PATJ: variants seen among roughly 807,000 people sequenced by gnomAD.
PATJ encodes the protein inaD-like protein.
Under a neutral mutation model 224.9 loss-of-function variants are expected in PATJ, and 190 were observed. That is an observed-to-expected ratio of 0.84 (90% confidence interval 0.75 to 0.95). PATJ has a LOEUF of 0.95. Among genes scored for constraint, PATJ ranks in the 40% least tolerant of loss-of-function variants. PATJ has a pLI of 0.00. For missense variants in PATJ, 2,121 were observed against 2,270.3 expected (o/e 0.93, Z 1.34); for synonymous variants, 769 against 820.3 (o/e 0.94, Z 1.07).
chr1:62,033,661 C>T (rs780246944), intron 29 of PATJ, among the ~76,000 whole-genome samples: 2 of 152,146 alleles, frequency 1.3e-5, no homozygotes, highest in African/African-American at 2.4e-5. Context: ...TAGGTGGACA[C>T]CCCAAGAAAT....
intron 14 of PATJ, among the ~76,000 whole-genome samples, chr1:61,817,838 T>C (rs1337395485): frequency 6.6e-6 from 1 of 152,184 alleles, no homozygotes; most frequent in African/African-American, 2.4e-5. Flanking sequence ...GAAAAGTTTG[T>C]TTTTTATTTA....
At chr1:62,016,881 C>T (rs1286533777) in intron 28 of PATJ, among the ~76,000 whole-genome samples, 1 of 152,086 alleles carries the variant, frequency 6.6e-6, no homozygotes, top group Non-Finnish European at 1.5e-5. Flanking sequence ...CTCCAGAGCT[C>T]CAGTGAATAC....
intron 26 of PATJ, among the ~76,000 whole-genome samples, chr1:61,927,527 A>G (rs1675384416): frequency 6.6e-6 from 1 of 152,202 alleles, no homozygotes; most frequent in South Asian, 2.1e-4. Flanking sequence ...TTTCTGCATT[A>G]GTGTGTTTAT....
intron 33 of PATJ, among the ~76,000 whole-genome samples, chr1:62,098,227 T>C (rs1661630112): frequency 6.6e-6 from 1 of 151,332 alleles, no homozygotes; most frequent in African/African-American, 2.4e-5. Context: ...GGCATGGTGG[T>C]GGGTGCCTGT....
At chr1:61,779,475 A>C (rs1276493002) in intron 7 of PATJ, among the ~76,000 whole-genome samples, 1 of 152,196 alleles carries the variant, frequency 6.6e-6, no homozygotes, top group African/African-American at 2.4e-5. Flanking sequence ...ATTTTCCTTT[A>C]CTTAAAGTCA....
rs1007535851 is a variant in PATJ, at chr1:61,938,992, G to A, written c.3670+11163G>A. Among the ~76,000 whole-genome samples the A allele has an allele frequency of 8.6e-5, 13 of 151,070 alleles. No homozygotes were observed. The South Asian group carries it at 1.5e-3, about 17-fold the overall frequency. On this transcript the variant is annotated intron_variant, in intron 27 of 43. Coordinates refer to ENST00000642238, the MANE Select transcript of PATJ (RefSeq NM_001350145.3). ...AAAAAAATTAGCCAGGCGTGGTGGC[G>A]GGCGCTTGTAGTCCCAGCTACTTGG...
intron 14 of PATJ, 86 bp from the exon 15 acceptor site, chr1:61,822,859 T>C: frequency 6.7e-7 from 1 of 1,495,752 alleles, no homozygotes; most frequent in Admixed American, 2.0e-5. Flanking sequence ...AGGTGGGGTT[T>C]TTCACTTCAA....
In PATJ at chr1:61,827,097, T is replaced by C. The variant is rs535228628; in HGVS notation, c.1819-325T>C. ...TAGAGGTAGGTAAGAGAGTATGACA[T>C]TGGAGTATTGAAAGGAGAAACCACA... is the stretch of plus-strand genomic sequence containing the variant. On this transcript the variant is annotated intron_variant, in intron 15 of 43. Transcript: ENST00000642238. 3.8e-4 allele frequency among the ~76,000 whole-genome samples: 58 copies of C among 152,228 alleles called. No homozygotes were observed. The South Asian group carries it at 0.012, about 32-fold the overall frequency.
chr1:61,906,859 C>G (rs1043245363), intron 24 of PATJ, among the ~76,000 whole-genome samples: 1 of 152,162 alleles, frequency 6.6e-6, no homozygotes, highest in African/African-American at 2.4e-5. Context: ...ATTCTCCTAG[C>G]TGGTTCAGTC....
chr1:62,158,459 C>G (rs1264116989), intron 43 of PATJ, among the ~76,000 whole-genome samples: 3 of 148,672 alleles, frequency 2.0e-5, no homozygotes, highest in South Asian at 2.3e-4. Flanking sequence ...GTGGCTCACA[C>G]CTGTAATCCC....
rs566672202 is a variant in PATJ, at chr1:61,751,781, G to A, written c.-36+9226G>A. Among the ~76,000 whole-genome samples, 3 of 151,504 alleles carry A rather than the reference G, an allele frequency of 2.0e-5. 1 individual carries two copies. Among genetic ancestry groups the A allele is most frequent in the African/African-American group, 7.3e-5 (3 of 41,232 alleles). ...GTGGAGGTTGCAGTGAGCCAAGACC[G>A]CACCACTGCACTCCAGCATGGGCAA... On this transcript the variant is annotated intron_variant, in intron 1 of 43. Transcript: ENST00000642238.
chr1:62,134,640 C>T (rs1666634798), intron 41 of PATJ, among the ~76,000 whole-genome samples: 2 of 152,100 alleles, frequency 1.3e-5, no homozygotes, highest in African/African-American at 4.8e-5. Context: ...CCACCACGCC[C>T]GGCCTCTTTT....
chr1:61,755,416 A>G (rs1048113289), intron 1 of PATJ, among the ~76,000 whole-genome samples: 2 of 152,148 alleles, frequency 1.3e-5, no homozygotes, highest in African/African-American at 4.8e-5. Flanking sequence ...ATGTTAGTAT[A>G]GTAGTATATG....
In PATJ at chr1:62,116,047, C is replaced by T. The variant is rs79954540; in HGVS notation, c.4656-485C>T. 6.2e-3 allele frequency among the ~76,000 whole-genome samples: 939 copies of T among 152,154 alleles called. 12 individuals carry two copies. The highest frequency in any genetic ancestry group is 0.021 in the African/African-American group (879 of 41,518). On this transcript the variant is annotated intron_variant, in intron 35 of 43. Coordinates refer to ENST00000642238, the MANE Select transcript of PATJ (RefSeq NM_001350145.3). ...TTTTGACACATGCGTATACCTGGTG[C>T]GGTTTTATTTACAGCAATGTTTTTT...
chr1:61,812,354 T>TAG (rs71050165), intron 14 of PATJ, among the ~76,000 whole-genome samples: 12 of 111,646 alleles, frequency 1.1e-4, no homozygotes, highest in African/African-American at 3.8e-4. Flanking sequence ...GGGGAGGGAA[T>TAG]AGAGAGAGAG....
intron 26 of PATJ, among the ~76,000 whole-genome samples, chr1:61,924,129 G>T (rs1674762784): frequency 6.6e-6 from 1 of 151,990 alleles, no homozygotes; most frequent in Non-Finnish European, 1.5e-5. Flanking sequence ...CCAGCACTTT[G>T]GGAGGCCGAG....
intron 22 of PATJ, among the ~76,000 whole-genome samples, chr1:61,887,011 A>T (rs1180070464): frequency 1.3e-5 from 2 of 151,250 alleles, no homozygotes; most frequent in Non-Finnish European, 2.9e-5. Flanking sequence ...TTAGATAACT[A>T]GATGGTATTA....
At chr1:62,076,645 G>C (rs1390314674) in intron 31 of PATJ, among the ~76,000 whole-genome samples, 2 of 152,108 alleles carry the variant, frequency 1.3e-5, no homozygotes, top group Non-Finnish European at 2.9e-5. Flanking sequence ...ATCTATCAGG[G>C]ACCTATTATG....
intron 20 of PATJ, among the ~76,000 whole-genome samples, chr1:61,866,603 CAA>C (rs1387141442): frequency 6.6e-6 from 1 of 151,854 alleles, no homozygotes; most frequent in Non-Finnish European, 1.5e-5. Context: ...ATTCTTATCT[CAA>C]GTGTCATTTG....
Sources: allele counts gnomAD v4.1 joint callset (sites outside exome capture counted in the v4.1 genomes callset), GRCh38; gene constraint gnomAD v4.1.1; transcripts MANE v1.5; gene names NCBI Gene and HGNC (gene_info 2026-07-23, HGNC 2026-07-21).